Variants in CCDC152 observed in about 807,000 individuals in gnomAD.
CCDC152 encodes coiled-coil domain-containing protein 152.
A neutral mutation model predicts 38.1 loss-of-function variants in CCDC152; 37 were observed. The ratio of observed to expected loss-of-function variants is 0.97; its 90% CI spans 0.75 to 1.28. The LOEUF (loss-of-function observed/expected upper bound fraction) is 1.28. Ranked by LOEUF, CCDC152 falls within the 50% of genes most tolerant of loss-of-function variation. CCDC152 has a pLI of 0.00. For synonymous variants in CCDC152, 83 were observed against 87.1 expected, an observed-to-expected ratio of 0.95 and a Z score of 0.26; for missense variants, 259 against 292.1, an observed-to-expected ratio of 0.89 and a Z score of 0.83.
At chr5:42,787,483 A>C (rs914927390) in intron 6 of CCDC152, among the ~76,000 whole-genome samples, 1 of 151,794 alleles carries the variant, frequency 6.6e-6, no homozygotes, top group Non-Finnish European at 1.5e-5. Context: ...TTATCTGTCA[A>C]TGGGGCATTG....
chr5:42,789,167 G>T (rs913198849), intron 6 of CCDC152, among the ~76,000 whole-genome samples: 2 of 152,242 alleles, frequency 1.3e-5, no homozygotes, highest in Non-Finnish European at 2.9e-5. Context: ...TTGCAGGAGT[G>T]AGGAAAGACA....
intron 4 of CCDC152, among the ~76,000 whole-genome samples, chr5:42,777,477 AAAG>A (rs1431488801): frequency 3.3e-5 from 5 of 151,576 alleles, no homozygotes; most frequent in Admixed American, 6.6e-5. Context: ...TAAAAAAAAA[AAAG>A]AAGAAGAAGA....
intron 4 of CCDC152, among the ~76,000 whole-genome samples, chr5:42,778,431 C>G (rs1343685488): frequency 1.3e-5 from 2 of 152,070 alleles, no homozygotes; most frequent in African/African-American, 4.8e-5. Context: ...ACTGATCTAG[C>G]CAGTGATAAG....
chr5:42,799,780 G>A lies in CCDC152; in HGVS notation c.764G>A (p.Ter255=), dbSNP rs115516561. ...KDSHLKRRRF[*] Reference sequence around the variant, plus strand: ...TCTCACCTTAAGCGTAGACGGTTTTGAGCTTAGCAGTAAATTCATTAGTTG... The same window carrying A: ...TCTCACCTTAAGCGTAGACGGTTTTAAGCTTAGCAGTAAATTCATTAGTTG... The change falls in exon 9 of 9, where the codon TGA becomes TAA. Residue 255 remains the stop codon, a stop_retained_variant. Transcript: ENST00000361970. 7.9e-5 allele frequency: 123 copies of A among 1,547,192 alleles called. No homozygotes were observed. The highest frequency in any genetic ancestry group is 1.0e-4 in the Non-Finnish European group (117 of 1,145,956).
chr5:42,761,234 A>G (rs544204397), intron 2 of CCDC152, among the ~76,000 whole-genome samples: 1 of 152,352 alleles, frequency 6.6e-6, no homozygotes, highest in East Asian at 1.9e-4. Flanking sequence ...AAAGTAGAAT[A>G]TGGCCTCTGT....
chr5:42,784,098 G>A, intron 6 of CCDC152, among the ~76,000 whole-genome samples: 1 of 152,070 alleles, frequency 6.6e-6, no homozygotes, highest in East Asian at 1.9e-4. Context: ...TTTCCTTTGG[G>A]TAGATACCCA....
rs777778844 is a variant in CCDC152, at chr5:42,800,902, C to CTT, written c.*1123_*1124dup. On this transcript the variant is annotated 3_prime_UTR_variant, in exon 9 of 9. Transcript: ENST00000361970. ...CAGCTACATAAAGATGGGAGGTTTT[C>CTT]TTTACACTGTCAGGTGATTGCAGAC... is the stretch of plus-strand genomic sequence containing the variant. The CTT allele has an allele frequency of 1.2e-6, 2 of 1,614,172 alleles. No homozygotes were observed. Among genetic ancestry groups the CTT allele is most frequent in the Non-Finnish European group, 8.5e-7 (1 of 1,180,038 alleles).
At chr5:42,780,437 T>C (rs1367534493) in intron 5 of CCDC152, among the ~76,000 whole-genome samples, 1 of 152,154 alleles carries the variant, frequency 6.6e-6, no homozygotes, top group African/African-American at 2.4e-5. Flanking sequence ...TTCCCTTTAT[T>C]CTTTCCCAAT....
In CCDC152 at chr5:42,801,193, C is replaced by G. The variant is rs1411464826; in HGVS notation, c.*1412C>G. On this transcript the variant is annotated 3_prime_UTR_variant, in exon 9 of 9. Transcript: ENST00000361970. ...TTTGGTGCTCCTGGTTGCTGATTCT[C>G]TGAAAGCTCACTGCTGCCAAGGTGC... 4 of 1,613,990 alleles carry G rather than the reference C, an allele frequency of 2.5e-6. No individual in the cohort carries two copies. Among genetic ancestry groups the G allele is most frequent in the Admixed American group, 3.3e-5 (2 of 59,998 alleles).
intron 4 of CCDC152, 101 bp from the exon 5 acceptor site, chr5:42,779,357 T>C (rs1759811741): frequency 2.8e-6 from 2 of 702,090 alleles, no homozygotes; most frequent in Admixed American, 2.5e-5. Context: ...GGATGCATGT[T>C]TGTTGAATGC....
intron 3 of CCDC152, among the ~76,000 whole-genome samples, chr5:42,764,409 T>C (rs1759598607): frequency 6.6e-6 from 1 of 152,072 alleles, no homozygotes; most frequent in African/African-American, 2.4e-5. Flanking sequence ...GAGGAGGGAA[T>C]ACTTCCACAC....
At position 42,799,719 on chromosome 5, in the gene CCDC152, C is replaced by A. The variant is rs755199239; in HGVS notation, c.703C>A (p.Arg235Ser). 1 of 1,550,896 alleles carries A rather than the reference C, an allele frequency of 6.4e-7. No individual in the cohort carries two copies. Among genetic ancestry groups the A allele is most frequent in the Admixed American group, 2.0e-5 (1 of 50,966 alleles). Residue 235 changes from arginine to serine, a missense_variant, in exon 9 of 9, where the codon CGC (arginine) becomes AGC (serine). By Grantham distance (110) the Arg-to-Ser change is moderately radical. Coordinates refer to ENST00000361970, the MANE Select transcript of CCDC152 (RefSeq NM_001134848.2). ...GATTGCAATTCTTCGTAATACCATT[C>A]GCGATTTAGAGCAACGCCTTTCTGT... Reference protein sequence around the residue: ...KEIAILRNTIRDLEQRLSVGK... With the variant: ...KEIAILRNTISDLEQRLSVGK...
chr5:42,799,655 T>TC lies in CCDC152; in HGVS notation c.643-4_643-3insC. 6.5e-7 allele frequency: 1 copy of TC among 1,539,164 alleles called. No homozygotes were observed. The highest frequency in any genetic ancestry group is 8.8e-7 in the Non-Finnish European group (1 of 1,141,184). ...TCTAATAACAAATTTTTTGTTTCGT[T>TC]TAGAAACTTCAGCATTTTCAAGAAG... On this transcript the variant is annotated splice_polypyrimidine_tract_variant and splice_region_variant and intron_variant, in intron 8 of 8. Coordinates refer to ENST00000361970, the MANE Select transcript of CCDC152 (RefSeq NM_001134848.2).
intron 6 of CCDC152, among the ~76,000 whole-genome samples, chr5:42,794,655 A>C (rs540990951): frequency 1.3e-5 from 2 of 152,336 alleles, no homozygotes; most frequent in African/African-American, 4.8e-5. Flanking sequence ...AACCTTGTGG[A>C]GATTTCTCTT....
At chr5:42,790,243 G>A (rs1055661008) in intron 6 of CCDC152, among the ~76,000 whole-genome samples, 5 of 152,216 alleles carry the variant, frequency 3.3e-5, no homozygotes, top group South Asian at 4.2e-4. Context: ...AGGCCAAGGC[G>A]GGCGGATTAC....
chr5:42,776,909 A>G (rs1759774298), intron 4 of CCDC152, among the ~76,000 whole-genome samples: 1 of 152,224 alleles, frequency 6.6e-6, no homozygotes, highest in Non-Finnish European at 1.5e-5. Context: ...TGCAAAAACC[A>G]CAGTGCTTAA....
At chr5:42,759,404 C>A (rs139715831) in intron 2 of CCDC152, among the ~76,000 whole-genome samples, 196 bp downstream of exon 2, 89 of 152,328 alleles carry the variant, frequency 5.8e-4, no homozygotes, top group African/African-American at 2.1e-3. Flanking sequence ...TGTACTAATA[C>A]ATCAAAATGT....
rs1222105599 is a variant in CCDC152 at position 42,799,640 on chromosome 5, AATTT to A, written c.643-18_643-15del. On this transcript the variant is annotated splice_polypyrimidine_tract_variant and intron_variant, in intron 8 of 8. Transcript: ENST00000361970. ...ATTTTATTTCTGAATTCTAATAACA[AATTT>A]TTTGTTTCGTTTAGAAACTTCAGCA... The A allele has an allele frequency of 1.1e-5, 16 of 1,520,686 alleles. No homozygotes were observed. The highest frequency in any genetic ancestry group is 1.3e-5 in the Non-Finnish European group (15 of 1,127,352). The allele number at this position is 1,520,686 out of a possible 1,614,324, so 94.2% of individuals were successfully genotyped here. A position where few individuals can be genotyped will look rare whatever the true frequency, so the allele number is the denominator to read the frequency against.
At chr5:42,763,730 G>A (rs1377121587) in intron 3 of CCDC152, among the ~76,000 whole-genome samples, 1 of 152,144 alleles carries the variant, frequency 6.6e-6, no homozygotes, top group Non-Finnish European at 1.5e-5. Context: ...TTGCAAAACT[G>A]TCAGAGTCAT....
Sources: gnomAD v4.1 joint callset for allele counts (sites outside exome capture counted in the v4.1 genomes callset) on GRCh38, gnomAD v4.1.1 for gene constraint, MANE v1.5 for transcripts, NCBI Gene and HGNC (gene_info 2026-07-23, HGNC 2026-07-21) for gene names.